The following DOCK8 variants were observed in gnomAD, a reference collection of about 807,000 sequenced individuals.
DOCK8 encodes the protein dedicator of cytokinesis 8, also known as dedicator of cytokinesis protein 8.
DOCK8 carries 141 observed loss-of-function variants against 245.6 expected under a neutral mutation model. The observed-to-expected ratio is 0.57, with a 90% CI of 0.50 to 0.66. DOCK8 has a LOEUF of 0.66. DOCK8 is among the 30% of genes least tolerant of loss of function. The probability of loss-of-function intolerance (pLI) is 0.00; values close to 1 mark genes in which losing one functional copy is unlikely to be tolerated. For synonymous variants in DOCK8, 1,168 were observed against 970.2 expected (o/e 1.20, Z -3.79); for missense variants, 2,965 against 2,603.4 (o/e 1.14, Z -3.02).
chr9:232,107 C>T (rs148478656), intron 1 of DOCK8, among the ~76,000 whole-genome samples: 18 of 151,230 alleles, frequency 1.2e-4, no homozygotes, highest in East Asian at 9.6e-4. Flanking sequence ...TAGCATGAAG[C>T]GTTGTTGGAT....
chr9:282,408 G>C (rs80310743), intron 2 of DOCK8, among the ~76,000 whole-genome samples: 4 of 140,474 alleles, frequency 2.8e-5, no homozygotes, highest in East Asian at 2.0e-4. Flanking sequence ...TTTTTGTTTC[G>C]TTTTGTTTTT....
intron 1 of DOCK8, among the ~76,000 whole-genome samples, chr9:263,604 A>G (rs1192919692): frequency 7.2e-5 from 11 of 152,182 alleles, no homozygotes; most frequent in African/African-American, 1.9e-4. Flanking sequence ...TTCTGCCTCA[A>G]AAACTCTCCT....
intron 2 of DOCK8, among the ~76,000 whole-genome samples, chr9:273,364 T>A (rs1254368717): frequency 6.6e-6 from 1 of 152,224 alleles, no homozygotes; most frequent in Non-Finnish European, 1.5e-5. Flanking sequence ...GTATATTAGA[T>A]AAGCTTTACA....
At chr9:307,317 G>C (rs1191489397) in intron 5 of DOCK8, among the ~76,000 whole-genome samples, 1 of 136,314 alleles carries the variant, frequency 7.3e-6, no homozygotes, top group Non-Finnish European at 1.5e-5. Flanking sequence ...TCAAGTCACT[G>C]TGTTGTGTGT....
At chr9:283,099 C>G (rs533141176) in intron 2 of DOCK8, among the ~76,000 whole-genome samples, 1 of 152,094 alleles carries the variant, frequency 6.6e-6, no homozygotes, top group Non-Finnish European at 1.5e-5. Context: ...TCTTGAAAGG[C>G]CTGCAAAAGG....
intron 5 of DOCK8, 51 bp downstream of exon 5, chr9:304,755 A>G (rs1404999967): frequency 1.9e-6 from 3 of 1,613,686 alleles, no homozygotes; most frequent in Non-Finnish European, 2.5e-6. Context: ...TCTTCTGCCC[A>G]GGGCATGCTG....
At chr9:323,336 G>T (rs2050608815) in intron 7 of DOCK8, among the ~76,000 whole-genome samples, 1 of 143,968 alleles carries the variant, frequency 6.9e-6, no homozygotes, top group Non-Finnish European at 1.5e-5. Flanking sequence ...TGATTCTCCT[G>T]CCTCAGCCTC....
chr9:375,836 A>C (rs1276111092), intron 18 of DOCK8, among the ~76,000 whole-genome samples: 1 of 152,184 alleles, frequency 6.6e-6, no homozygotes, highest in Non-Finnish European at 1.5e-5. Context: ...ATTTCTACAA[A>C]AAATAGAAAA....
At chr9:420,890 T>A (rs1329877384) in intron 31 of DOCK8, 59 bp from the exon 32 acceptor site, 14 of 1,607,272 alleles carry the variant, frequency 8.7e-6, no homozygotes, top group Non-Finnish European at 1.1e-5. Flanking sequence ...TTTTGGTAAC[T>A]CTCCCCATCA....
chr9:427,363 C>G (rs1322040695), intron 34 of DOCK8, among the ~76,000 whole-genome samples: 4 of 152,120 alleles, frequency 2.6e-5, no homozygotes, highest in Non-Finnish European at 5.9e-5. Context: ...TGGTCACTGT[C>G]TGATATGGGA....
At chr9:336,828 ACTCT>A in intron 12 of DOCK8, 110 bp downstream of exon 12, 2 of 1,289,584 alleles carry the variant, frequency 1.6e-6, no homozygotes, top group Non-Finnish European at 2.2e-6. Context: ...AGTTAAGCTC[ACTCT>A]CTTAGTTCAT....
At chr9:357,575 C>T in intron 14 of DOCK8, among the ~76,000 whole-genome samples, 1 of 147,898 alleles carries the variant, frequency 6.8e-6, no homozygotes, top group East Asian at 1.9e-4. Flanking sequence ...AGTTTTTAAA[C>T]AATTTGATAC....
intron 1 of DOCK8, among the ~76,000 whole-genome samples, chr9:216,387 T>C (rs756936076): frequency 6.6e-6 from 1 of 151,746 alleles, no homozygotes; most frequent in Non-Finnish European, 1.5e-5. Context: ...TTTTAAAACA[T>C]TAGCCAGGTG....
In DOCK8 at chr9:418,226, G is replaced by A. The variant is rs1010008215; in HGVS notation, c.3840+19G>A. On this transcript the variant is annotated intron_variant, in intron 30 of 47. Transcript: ENST00000432829. ...TTCCTTGGTATGTTGGTGCACATGT[G>A]TCTGGTTGATTTTTCATTTCATGTC... 2.5e-6 allele frequency: 4 copies of A among 1,613,882 alleles called. No homozygotes were observed. The African/African-American group carries it at 4.0e-5, about 16-fold the overall frequency.
chr9:320,064 T>C (rs896867329), intron 7 of DOCK8, among the ~76,000 whole-genome samples: 1 of 152,250 alleles, frequency 6.6e-6, no homozygotes, highest in Non-Finnish European at 1.5e-5. Context: ...TGCTTCAAAA[T>C]GCTAGATTCT....
At chr9:278,179 C>G (rs1353243824) in intron 2 of DOCK8, among the ~76,000 whole-genome samples, 1 of 152,240 alleles carries the variant, frequency 6.6e-6, no homozygotes, top group South Asian at 2.1e-4. Context: ...CATTGTTCAG[C>G]AGAGGAATCA....
chr9:367,178 A>G (rs558212443), intron 14 of DOCK8, among the ~76,000 whole-genome samples: 1 of 152,360 alleles, frequency 6.6e-6, no homozygotes, highest in South Asian at 2.1e-4. Flanking sequence ...CTGACTCAGG[A>G]TAAGTCCTGT....
At chr9:332,804 C>T (rs1283376101) in intron 10 of DOCK8, among the ~76,000 whole-genome samples, 2 of 151,782 alleles carry the variant, frequency 1.3e-5, no homozygotes, top group Non-Finnish European at 2.9e-5. Flanking sequence ...ACTACAGGCA[C>T]ATGCCACCAT....
intron 46 of DOCK8, among the ~76,000 whole-genome samples, chr9:461,365 T>TTA (rs2057799158): frequency 1.3e-5 from 2 of 152,268 alleles, no homozygotes; most frequent in Admixed American, 6.5e-5. Context: ...TGGATCTTCC[T>TTA]TATATCTCTA....
Sources: allele counts gnomAD v4.1 joint callset (sites outside exome capture counted in the v4.1 genomes callset), GRCh38; gene constraint gnomAD v4.1.1; transcripts MANE v1.5; gene names NCBI Gene and HGNC (gene_info 2026-07-23, HGNC 2026-07-21).